The following APBA3 variants were observed in gnomAD, a reference collection of about 807,000 sequenced individuals.
APBA3 encodes the protein amyloid beta precursor protein binding family A member 3, also known as amyloid-beta A4 precursor protein-binding family A member 3.
In APBA3, 45 loss-of-function variants were observed where a neutral mutation model predicts 55.9. The ratio of observed to expected loss-of-function variants is 0.80; its 90% CI spans 0.63 to 1.03. The LOEUF is 1.03. Among genes scored for constraint, APBA3 ranks in the 50% least tolerant of loss-of-function variants. The pLI is 0.00. For missense variants in APBA3, 865 were observed against 820.3 expected (o/e 1.05, Z -0.67); for synonymous variants, 370 against 353.3 (o/e 1.05, Z -0.53).
rs760717785 is a variant in APBA3, at chr19:3,759,867, T to G, written c.398A>C (p.Glu133Ala). Residue 133 changes from glutamate to alanine, a missense_variant, in exon 2 of 11, where the codon GAG (glutamate) becomes GCG (alanine). Coordinates refer to ENST00000316757, the MANE Select transcript of APBA3 (RefSeq NM_004886.4). ...GGGCTGCAACAGTCGGGGGGCAGGC[T>G]CTAGAGGCTCTTCAGGACCAGTCTG... ...PSQTGPEEPL[E>A]PAPRLLQPPE... is the part of the protein sequence containing the mutation. The G allele has an allele frequency of 6.2e-7, 1 of 1,612,434 alleles. No homozygotes were observed. Among genetic ancestry groups the G allele is most frequent in the Admixed American group, 1.7e-5 (1 of 59,844 alleles).
At chr19:3,758,715 T>C (rs188331399) in intron 3 of APBA3, among the ~76,000 whole-genome samples, 114 of 151,086 alleles carry the variant, frequency 7.5e-4, no homozygotes, top group Non-Finnish European at 1.3e-3. Context: ...CCATCTCTAC[T>C]AAAAATACAA....
At chr19:3,755,353 G>A (rs2037063450) in intron 3 of APBA3, 1 of 152,102 alleles carries the variant, frequency 6.6e-6, no homozygotes. Flanking sequence ...CTCTTCCTGT[G>A]GTTCTAGAAT....
At position 3,759,464 on chromosome 19, in the gene APBA3, C is replaced by T. The variant is rs910755352; in HGVS notation, c.616+97G>A. The T allele has an allele frequency of 1.2e-5, 15 of 1,274,756 alleles. No individual in the cohort carries two copies. In the African/African-American group the frequency reaches 1.8e-4, roughly 15 times the overall value. 79.0% of individuals were successfully genotyped at this position (1,274,756 alleles called of 1,614,324 possible). A position where few individuals can be genotyped will look rare whatever the true frequency, so the allele number is the denominator to read the frequency against. ...ACCACCCTCAGAGGCTCCCGAGAAC[C>T]TCGTCCTTACTGGCAAGCTGTTGCC... is the stretch of plus-strand genomic sequence containing the variant. On this transcript the variant is annotated intron_variant, in intron 3 of 10. Transcript: ENST00000316757.
Position 3,751,472 on chromosome 19 carries a change from C to T in APBA3, c.1477G>A (p.Ala493Thr), listed in dbSNP as rs573242051. 1.2e-5 allele frequency: 18 copies of T among 1,562,754 alleles called. No homozygotes were observed. The highest frequency in any genetic ancestry group is 2.4e-5 in the East Asian group (1 of 42,228). Reference sequence around the variant, plus strand: ...ACGCAGAAGCCCAGCTGCTCGCGGGCGTGGGGCCGGTGGATGATGGCGGTG... The same window carrying T: ...ACGCAGAAGCCCAGCTGCTCGCGGGTGTGGGGCCGGTGGATGATGGCGGTG... ...VTTAIIHRPH[A>T]REQLGFCVED... The change falls in exon 9 of 11, where the codon GCC becomes ACC. Residue 493 changes from alanine (A) to threonine (T), a missense_variant. Coordinates refer to ENST00000316757, the MANE Select transcript of APBA3 (RefSeq NM_004886.4).
At chr19:3,754,991 A>T (rs1466934105) in intron 3 of APBA3, 1 of 152,324 alleles carries the variant, frequency 6.6e-6, no homozygotes. Context: ...CGAAACCTCC[A>T]CAACATTCTA....
intron 3 of APBA3, chr19:3,754,596 C>G: frequency 2.1e-6 from 1 of 478,912 alleles, no homozygotes; most frequent in Non-Finnish European, 3.7e-6. Context: ...GGATTCAAAG[C>G]CAGATCTAGC....
chr19:3,751,587 G>T (rs1456875247), intron 8 of APBA3, 34 bp from the exon 9 acceptor site: 1 of 1,560,688 alleles, frequency 6.4e-7, no homozygotes. Flanking sequence ...TCACTCAGCT[G>T]CCGGACAGCC....
In APBA3 at chr19:3,759,680, G is replaced by A. The variant is rs375841553; in HGVS notation, c.576+9C>T. ...GTCCAGGATGCCTGGAGGGCGGGGCGGGCACTACCTGGGCACCAGCGGGTG... is the reference window on the plus strand; with the variant it reads ...GTCCAGGATGCCTGGAGGGCGGGGCAGGCACTACCTGGGCACCAGCGGGTG... On this transcript the variant is annotated intron_variant, in intron 2 of 10. Coordinates refer to ENST00000316757, the MANE Select transcript of APBA3 (RefSeq NM_004886.4). The A allele has an allele frequency of 2.6e-5, 42 of 1,611,202 alleles. No individual in the cohort carries two copies. The highest frequency in any genetic ancestry group is 2.6e-5 in the Non-Finnish European group (31 of 1,179,292).
intron 3 of APBA3, among the ~76,000 whole-genome samples, chr19:3,758,410 C>T (rs1448010915): frequency 4.0e-5 from 6 of 151,774 alleles, no homozygotes; most frequent in Non-Finnish European, 8.8e-5. Context: ...AGGCATGCAC[C>T]GCCACACCTG....
At chr19:3,756,733 A>C (rs922230607) in intron 3 of APBA3, 1 of 152,210 alleles carries the variant, frequency 6.6e-6, no homozygotes. Context: ...AGTTTAAAAA[A>C]AAAAAAAGTT....
Position 3,759,791 on chromosome 19 carries a change from G to C in APBA3, c.474C>G (p.Ala158=). 1 of 1,612,678 alleles carries C rather than the reference G, an allele frequency of 6.2e-7. No individual in the cohort carries two copies. The highest frequency in any genetic ancestry group is 8.5e-7 in the Non-Finnish European group (1 of 1,179,896). The change falls in exon 2 of 11, where the codon GCC becomes GCG. Residue 158 remains alanine (A), a synonymous_variant. Transcript: ENST00000316757. The part of the protein sequence containing the change: ...DSDSPEWVEG[A]SAEQEGSRSS... Reference sequence around the variant, plus strand: ...TCCTGCTGCCCTCCTGCTCAGCAGAGGCCCCCTCCACCCATTCTGGGGAGT... The same window carrying C: ...TCCTGCTGCCCTCCTGCTCAGCAGACGCCCCCTCCACCCATTCTGGGGAGT...
At position 3,753,005 on chromosome 19, in the gene APBA3, G is replaced by A; in HGVS notation, c.1012-15C>T. 1.2e-6 allele frequency: 2 copies of A among 1,608,454 alleles called. No individual in the cohort carries two copies. The highest frequency in any genetic ancestry group is 2.2e-5 in the South Asian group (2 of 91,016). On this transcript the variant is annotated splice_polypyrimidine_tract_variant and intron_variant, in intron 6 of 10. Coordinates refer to ENST00000316757, the MANE Select transcript of APBA3 (RefSeq NM_004886.4). ...ATGAGCTGGGCCTGCGGGGAGGAGT[G>A]GCGCGTCCCTGGGGTGTCCCACCCA...
chr19:3,760,150 G>T lies in APBA3; in HGVS notation c.115C>A (p.Pro39Thr), dbSNP rs367678733. 1 of 1,613,410 alleles carries T rather than the reference G, an allele frequency of 6.2e-7. No individual in the cohort carries two copies. Among genetic ancestry groups the T allele is most frequent in the African/African-American group, 1.3e-5 (1 of 75,062 alleles). The stretch of plus-strand genomic sequence containing the variant: ...AGGCTGCCGGGGCCTCCTGGCATAG[G>T]GTCCCACTGGCTGTCAGGGGTGAGG... ...EDLTPDSQWD[P>T]MPGGPGSLSR... The change falls in exon 2 of 11, where the codon CCT (proline) becomes ACT (threonine). Residue 39 changes from proline to threonine, a missense_variant. Coordinates refer to ENST00000316757, the MANE Select transcript of APBA3 (RefSeq NM_004886.4).
In APBA3 at chr19:3,751,431, C is replaced by T; in HGVS notation, c.1515+3G>A. 1 of 1,528,718 alleles carries T rather than the reference C, an allele frequency of 6.5e-7. No individual in the cohort carries two copies. Among genetic ancestry groups the T allele is most frequent in the Non-Finnish European group, 8.8e-7 (1 of 1,142,180 alleles). The allele number at this position is 1,528,718 out of a possible 1,614,324, so 94.7% of individuals were successfully genotyped here. A position where few individuals can be genotyped will look rare whatever the true frequency, so the allele number is the denominator to read the frequency against. On this transcript the variant is annotated splice_donor_region_variant and intron_variant, in intron 9 of 10. Transcript: ENST00000316757. ...ACCCCGGGGCCAGGGGCCGGGGCCT[C>T]ACGATGCCGTCCTCCACGCAGAAGC... is the stretch of plus-strand genomic sequence containing the variant.
chr19:3,751,194 C>T lies in APBA3; in HGVS notation c.1651G>A (p.Gly551Ser), dbSNP rs1349712551. 6.4e-7 allele frequency: 1 copy of T among 1,552,202 alleles called. No individual in the cohort carries two copies. The highest frequency in any genetic ancestry group is 8.7e-7 in the Non-Finnish European group (1 of 1,148,578). The change falls in exon 10 of 11, where the codon GGC becomes AGC. Residue 551 changes from glycine to serine, a missense_variant. By Grantham distance (56) the Gly-to-Ser change is moderately conservative (BLOSUM62 0). Transcript: ENST00000316757. ...ACCACCCACCACCCGCACACCTCGC[C>T]ATAGGCCTCGGTGAGCAGCTCGATG... ...RIIELLTEAY[G>S]EVHIKTMPAA...
chr19:3,759,543 G>A lies in APBA3; in HGVS notation c.616+18C>T. 6.3e-7 allele frequency: 1 copy of A among 1,590,678 alleles called. No individual in the cohort carries two copies. The highest frequency in any genetic ancestry group is 8.6e-7 in the Non-Finnish European group (1 of 1,169,404). ...AGGGGCCTTCAGTGCCTGAGGCTAG[G>A]GTGGGCGGGACACTCACCCTCCTGG... On this transcript the variant is annotated intron_variant, in intron 3 of 10. Transcript: ENST00000316757.
At chr19:3,754,546 G>A (rs899259043) in intron 3 of APBA3, 23 of 606,480 alleles carry the variant, frequency 3.8e-5, no homozygotes, top group Non-Finnish European at 5.4e-5. Flanking sequence ...CATCCCTCAA[G>A]GACTCGCAGG....
chr19:3,754,098 T>G lies in APBA3; in HGVS notation c.770A>C (p.Asp257Ala). 2 of 1,604,334 alleles carry G rather than the reference T, an allele frequency of 1.2e-6. No individual in the cohort carries two copies. The highest frequency in any genetic ancestry group is 1.1e-5 in the South Asian group (1 of 89,528). The change falls in exon 5 of 11, where the codon GAT becomes GCT. Residue 257 changes from aspartate to alanine, a missense_variant. Coordinates refer to ENST00000316757, the MANE Select transcript of APBA3 (RefSeq NM_004886.4). ...REAMDRVKAP[D>A]GETQPMTEVD... ...CTCCGTCATGGGCTGGGTCTCCCCATCGGGGGCCTGTGGGTGGCGGCGTGG... is the reference window on the plus strand; with the variant it reads ...CTCCGTCATGGGCTGGGTCTCCCCAGCGGGGGCCTGTGGGTGGCGGCGTGG...
intron 6 of APBA3, chr19:3,753,350 G>T: frequency 2.5e-6 from 1 of 406,050 alleles, no homozygotes; most frequent in Non-Finnish European, 4.4e-6. Context: ...GAGTCTTGGA[G>T]TCTTATAGGA....
Sources: gnomAD v4.1 joint callset for allele counts (sites outside exome capture counted in the v4.1 genomes callset) on GRCh38, gnomAD v4.1.1 for gene constraint, MANE v1.5 for transcripts, NCBI Gene and HGNC (gene_info 2026-07-23, HGNC 2026-07-21) for gene names.